The following MAPK14 variants were observed in gnomAD, a reference collection of about 807,000 sequenced individuals.
MAPK14 encodes the protein mitogen-activated protein kinase 14.
Under a neutral mutation model 49.6 loss-of-function variants are expected in MAPK14, and 16 were observed. That is an observed-to-expected ratio of 0.32 (90% CI 0.22 to 0.49). The LOEUF (loss-of-function observed/expected upper bound fraction) is 0.49. MAPK14 is among the 20% of genes least tolerant of loss of function. The pLI is 0.99. For missense variants in MAPK14, 200 were observed against 441.2 expected, an observed-to-expected ratio of 0.45 and a Z score of 4.90; for synonymous variants, 142 against 158.0, an observed-to-expected ratio of 0.90 and a Z score of 0.76.
At chr6:36,066,020 ATGAGTGAAAC>A (rs1368739175) in intron 3 of MAPK14, among the ~76,000 whole-genome samples, 4 of 152,224 alleles carry the variant, frequency 2.6e-5, no homozygotes, top group Non-Finnish European at 4.4e-5. Context: ...TCTTATGCTT[ATGAGTGAAAC>A]TGACAAAACA....
At chr6:36,094,881 A>C (rs1369412289) in intron 8 of MAPK14, among the ~76,000 whole-genome samples, 1 of 152,132 alleles carries the variant, frequency 6.6e-6, no homozygotes, top group Non-Finnish European at 1.5e-5. Flanking sequence ...TTATGTATAT[A>C]GAGTGTTGAG....
intron 2 of MAPK14, among the ~76,000 whole-genome samples, chr6:36,055,209 G>A (rs1763548083): frequency 6.6e-6 from 1 of 152,204 alleles, no homozygotes; most frequent in South Asian, 2.1e-4. Flanking sequence ...TTTGCTGTCT[G>A]GGCAGACACT....
chr6:36,107,384 T>C lies in MAPK14; in HGVS notation c.842-71T>C. 8.9e-7 allele frequency: 1 copy of C among 1,117,614 alleles called. No homozygotes were observed. The highest frequency in any genetic ancestry group is 1.3e-6 in the Non-Finnish European group (1 of 799,316). The allele number at this position is 1,117,614 out of a possible 1,614,324, so 69.2% of individuals were successfully genotyped here. On this transcript the variant is annotated intron_variant, in intron 10 of 11. Coordinates refer to ENST00000229794, the MANE Select transcript of MAPK14 (RefSeq NM_139012.3). The surrounding 1 kb of genome is among the most constrained non-coding windows in gnomAD (Gnocchi z 4.3). ...TTGGATATGAAGGGTCAAAACTATGTTTGCTCAATAAGGCATACTTTTTTG... is the reference window on the plus strand; with the variant it reads ...TTGGATATGAAGGGTCAAAACTATGCTTGCTCAATAAGGCATACTTTTTTG...
rs386358922 is a variant in MAPK14, at chr6:36,065,507, G to GGTGTGTGTGTGTGTGTGTGTGTGT, written c.305+6177_305+6200dup. ...GAGAGAGGGAGCTGAGGGCAGAAAA[G>GGTGTGTGTGTGTGTGTGTGTGTGT]GTGTGTGTGTGTGTGTGTGTGTGTG... On this transcript the variant is annotated intron_variant, in intron 3 of 11. Coordinates refer to ENST00000229794, the MANE Select transcript of MAPK14 (RefSeq NM_139012.3). Among the ~76,000 whole-genome samples, 641 of 122,490 alleles carry GGTGTGTGTGTGTGTGTGTGTGTGT rather than the reference G, an allele frequency of 5.2e-3. 18 individuals are homozygous for GGTGTGTGTGTGTGTGTGTGTGTGT. Among genetic ancestry groups the GGTGTGTGTGTGTGTGTGTGTGTGT allele is most frequent in the Non-Finnish European group, 7.2e-3 (419 of 57,886 alleles). 80.4% of individuals were successfully genotyped at this position (122,490 alleles called of 152,430 possible). A position where few individuals can be genotyped will look rare whatever the true frequency, so the allele number is the denominator to read the frequency against.
chr6:36,048,972 G>A (rs1179456467), intron 1 of MAPK14, among the ~76,000 whole-genome samples: 2 of 152,212 alleles, frequency 1.3e-5, no homozygotes, highest in African/African-American at 2.4e-5. Context: ...AACATACAGA[G>A]TTTGAGTAGA....
intron 2 of MAPK14, among the ~76,000 whole-genome samples, chr6:36,054,824 G>A (rs1763533221): frequency 6.6e-6 from 1 of 152,066 alleles, no homozygotes; most frequent in South Asian, 2.1e-4. Flanking sequence ...ACTGTTTTGG[G>A]TCACCATCCA....
At chr6:36,035,073 A>G (rs1231058146) in intron 1 of MAPK14, among the ~76,000 whole-genome samples, 2 of 151,462 alleles carry the variant, frequency 1.3e-5, no homozygotes, top group African/African-American at 2.4e-5. Flanking sequence ...TAATTTTTGT[A>G]TTTTTAGTAG....
chr6:36,079,415 C>T (rs1164858809), intron 8 of MAPK14, among the ~76,000 whole-genome samples: 1 of 152,108 alleles, frequency 6.6e-6, no homozygotes, highest in Non-Finnish European at 1.5e-5. Flanking sequence ...GGTGTCCAAT[C>T]TTCTGGCTTC....
chr6:36,112,422 A>T (rs1467840880), downstream of MAPK14, among the ~76,000 whole-genome samples: 1 of 152,218 alleles, frequency 6.6e-6, no homozygotes, highest in Non-Finnish European at 1.5e-5. Flanking sequence ...GGAAACCTGA[A>T]TGGAACTTTA....
downstream of MAPK14, among the ~76,000 whole-genome samples, chr6:36,112,205 CAAAAA>C (rs11387797): frequency 7.2e-6 from 1 of 138,310 alleles, no homozygotes; most frequent in Non-Finnish European, 1.6e-5. Context: ...GACTCCGTCT[CAAAAA>C]AAAAAAAAGA....
chr6:36,052,879 G>T, intron 2 of MAPK14, 51 bp downstream of exon 2: 1 of 1,535,760 alleles, frequency 6.5e-7, no homozygotes, highest in Non-Finnish European at 8.9e-7. Flanking sequence ...ATAGACTGGG[G>T]AAAAATGTTT....
At chr6:36,067,915 C>G (rs1247051825) in intron 3 of MAPK14, among the ~76,000 whole-genome samples, 3 of 152,086 alleles carry the variant, frequency 2.0e-5, no homozygotes, top group African/African-American at 4.8e-5. Context: ...AAAAATAACC[C>G]TGTCCTCCAC....
intron 1 of MAPK14, among the ~76,000 whole-genome samples, chr6:36,051,442 T>G (rs952693382): frequency 6.6e-6 from 1 of 152,166 alleles, no homozygotes; most frequent in African/African-American, 2.4e-5. Context: ...ACACATCGCA[T>G]TTTTGCTATA....
the MAPK14 span, among the ~76,000 whole-genome samples, chr6:36,123,489 T>TC: frequency 2.0e-5 from 3 of 152,274 alleles, no homozygotes; most frequent in African/African-American, 7.2e-5. Context: ...CCAAGCATAT[T>TC]CCCCTACTAT....
At chr6:36,123,045 C>T in the MAPK14 span, among the ~76,000 whole-genome samples, 1 of 151,416 alleles carries the variant, frequency 6.6e-6, no homozygotes, top group African/African-American at 2.4e-5. Context: ...AGAGTTCACT[C>T]GGGAACACCT....
chr6:36,048,967 A>G (rs1421010700), intron 1 of MAPK14, among the ~76,000 whole-genome samples: 1 of 152,220 alleles, frequency 6.6e-6, no homozygotes, highest in Non-Finnish European at 1.5e-5. Flanking sequence ...ACTCCAACAT[A>G]CAGAGTTTGA....
At chr6:36,071,729 G>T (rs1408852061) in intron 3 of MAPK14, among the ~76,000 whole-genome samples, 1 of 152,194 alleles carries the variant, frequency 6.6e-6, no homozygotes, top group Non-Finnish European at 1.5e-5. Flanking sequence ...TGTAGCGGTG[G>T]ATTTAAAACT....
chr6:36,119,375 G>C, the MAPK14 span, among the ~76,000 whole-genome samples: 2 of 152,180 alleles, frequency 1.3e-5, no homozygotes, highest in East Asian at 3.8e-4. Flanking sequence ...ATTCAGTAAG[G>C]GCAGAAGCTG....
intron 1 of MAPK14, among the ~76,000 whole-genome samples, chr6:36,034,850 A>T (rs1316483002): frequency 1.4e-5 from 2 of 146,912 alleles, no homozygotes; most frequent in Non-Finnish European, 3.0e-5. Flanking sequence ...TGCTCACTTC[A>T]TGTCTCTGTG....
Sources: allele counts gnomAD v4.1 joint callset (sites outside exome capture counted in the v4.1 genomes callset), GRCh38; gene constraint gnomAD v4.1.1; non-coding constraint Gnocchi (gnomAD v3.1); transcripts MANE v1.5; gene names NCBI Gene and HGNC (gene_info 2026-07-23, HGNC 2026-07-21).